The following HDHD2 variants were observed in gnomAD, a reference collection of about 807,000 sequenced individuals.
The protein encoded by HDHD2 is haloacid dehalogenase like hydrolase domain containing 2.
HDHD2 carries 26 observed loss-of-function variants against 24.8 expected under a neutral mutation model. That is an observed-to-expected ratio of 1.05 (90% confidence interval 0.77 to 1.45). HDHD2 has a LOEUF of 1.45. HDHD2 is among the 40% of genes most tolerant of loss of function. The pLI, the probability that HDHD2 is intolerant of heterozygous loss-of-function variation, is 0.00. For missense variants in HDHD2, 299 were observed against 313.4 expected (o/e 0.95, Z 0.35); for synonymous variants, 128 against 114.9 (o/e 1.11, Z -0.73).
intron 5 of HDHD2, among the ~76,000 whole-genome samples, chr18:47,113,971 G>T (rs1026129804): frequency 2.6e-5 from 4 of 152,184 alleles, no homozygotes; most frequent in African/African-American, 9.6e-5. Context: ...CACTTTCCTG[G>T]GTAACCAACA....
intron 4 of HDHD2, among the ~76,000 whole-genome samples, chr18:47,120,904 G>C (rs2063599706): frequency 6.6e-6 from 1 of 151,950 alleles, no homozygotes; most frequent in African/African-American, 2.4e-5. Flanking sequence ...TCTTAACATG[G>C]GCATGGTTTG....
At chr18:47,125,098 G>A (rs1209344253) in intron 4 of HDHD2, among the ~76,000 whole-genome samples, 2 of 152,062 alleles carry the variant, frequency 1.3e-5, no homozygotes, top group Non-Finnish European at 2.9e-5. Flanking sequence ...GGAGTTTGAG[G>A]CTACAGTGAG....
chr18:47,130,263 T>C lies in HDHD2; in HGVS notation c.376A>G (p.Ile126Val), dbSNP rs1198120452. 6.2e-7 allele frequency: 1 copy of C among 1,601,446 alleles called. No individual in the cohort carries two copies. The highest frequency in any genetic ancestry group is 2.2e-5 in the East Asian group (1 of 44,698). The change falls in exon 4 of 7, where the codon ATT becomes GTT. Residue 126 changes from isoleucine to valine, a missense_variant. Transcript: ENST00000300605. ...GLAPEHFHYQ[I>V]LNQAFRLLLD... ...GTTTACCGGAATGCTTGATTCAGAA[T>C]TTGATAATGAAAATGTTCTGGTGCC... is the stretch of plus-strand genomic sequence containing the variant.
chr18:47,144,384 T>A (rs1303129683), intron 1 of HDHD2, among the ~76,000 whole-genome samples: 1 of 152,144 alleles, frequency 6.6e-6, no homozygotes, highest in South Asian at 2.1e-4. Flanking sequence ...CTTGTCTCAG[T>A]TGACTACAAG....
intron 1 of HDHD2, among the ~76,000 whole-genome samples, chr18:47,147,372 G>A (rs72907257): frequency 0.026 from 3,999 of 152,248 alleles, 60 homozygotes; most frequent in Non-Finnish European, 0.041. Context: ...ATAAGCAAGA[G>A]CATCAACTAT....
intron 6 of HDHD2, chr18:47,110,570 A>G: frequency 1.0e-6 from 1 of 985,426 alleles, no homozygotes; most frequent in East Asian, 1.1e-4. Flanking sequence ...TGGCTCTGCA[A>G]GTGGGGTTTC....
chr18:47,144,203 CG>C (rs2063845751), intron 1 of HDHD2, among the ~76,000 whole-genome samples: 1 of 152,186 alleles, frequency 6.6e-6, no homozygotes. Context: ...TGGCTCCAAA[CG>C]TATCTGTCAC....
chr18:47,143,940 A>G (rs2063842960), intron 1 of HDHD2, among the ~76,000 whole-genome samples: 1 of 152,184 alleles, frequency 6.6e-6, no homozygotes, highest in Non-Finnish European at 1.5e-5. Flanking sequence ...ACATTTATTG[A>G]TGAATAAACT....
chr18:47,109,013 C>G (rs995197088), intron 6 of HDHD2: 7 of 515,884 alleles, frequency 1.4e-5, no homozygotes, highest in African/African-American at 3.9e-5. Context: ...TCACAATGGA[C>G]AGCCACAGGT....
chr18:47,146,412 G>A lies in HDHD2; in HGVS notation c.-11+3966C>T, dbSNP rs144936510. ...CAACAGCAATTCCCACATGCTGCTA[G>A]TGAAAGAATATACTTGTACAAGCAT... On this transcript the variant is annotated intron_variant, in intron 1 of 6. Coordinates refer to ENST00000300605, the MANE Select transcript of HDHD2 (RefSeq NM_032124.5). Among the ~76,000 whole-genome samples, 231 of 152,228 alleles carry A rather than the reference G, an allele frequency of 1.5e-3. 2 individuals carry two copies. The highest frequency in any genetic ancestry group is 5.4e-3 in the African/African-American group (223 of 41,538).
intron 2 of HDHD2, among the ~76,000 whole-genome samples, chr18:47,136,103 T>C (rs1335760416): frequency 6.6e-6 from 1 of 152,130 alleles, no homozygotes; most frequent in Non-Finnish European, 1.5e-5. Context: ...ACTTAGAAAA[T>C]GACATACATA....
intron 4 of HDHD2, among the ~76,000 whole-genome samples, chr18:47,124,359 T>C (rs2063636125): frequency 6.6e-6 from 1 of 152,140 alleles, no homozygotes; most frequent in Non-Finnish European, 1.5e-5. Context: ...AAATCAAAGA[T>C]AGGGATATCT....
At chr18:47,111,367 T>TAAAAAAAAAAAA (rs547835822) in intron 6 of HDHD2, 2 of 700,124 alleles carry the variant, frequency 2.9e-6, no homozygotes, top group South Asian at 6.6e-5. Context: ...TTACATGAGC[T>TAAAAAAAAAAAA]AAAAAAAAAA....
intron 2 of HDHD2, among the ~76,000 whole-genome samples, chr18:47,136,036 T>C (rs1220325288): frequency 6.6e-6 from 1 of 152,240 alleles, no homozygotes; most frequent in East Asian, 1.9e-4. Flanking sequence ...TTTTTTCCAA[T>C]GATATTTATT....
chr18:47,139,026 G>A (rs764701362), intron 1 of HDHD2, among the ~76,000 whole-genome samples: 4 of 152,184 alleles, frequency 2.6e-5, no homozygotes, highest in Non-Finnish European at 5.9e-5. Context: ...AGGCTGATAG[G>A]AGGGTGAACA....
chr18:47,115,271 C>G lies in HDHD2; in HGVS notation c.473G>C (p.Gly158Ala), dbSNP rs748797136. 6.2e-7 allele frequency: 1 copy of G among 1,614,008 alleles called. No homozygotes were observed. The highest frequency in any genetic ancestry group is 1.1e-5 in the South Asian group (1 of 91,070). The change falls in exon 5 of 7, where the codon GGG (glycine) becomes GCG (alanine). Residue 158 changes from glycine to alanine, a missense_variant. Gly to Ala is a moderately conservative substitution (Grantham distance 60, BLOSUM62 0). Transcript: ENST00000300605. ...YYKRKDGLALGPGPFVTALEY... is the reference protein window; with the variant it reads ...YYKRKDGLALAPGPFVTALEY... ...TAAAGCAGTCACAAATGGTCCAGGCCCCAGGGCTAAGCCATCTTTCCTCTT... is the reference window on the plus strand; with the variant it reads ...TAAAGCAGTCACAAATGGTCCAGGCGCCAGGGCTAAGCCATCTTTCCTCTT...
intron 2 of HDHD2, among the ~76,000 whole-genome samples, 157 bp from the exon 3 acceptor site, chr18:47,134,861 A>G (rs1172358222): frequency 2.6e-5 from 4 of 152,236 alleles, no homozygotes; most frequent in Non-Finnish European, 5.9e-5. Context: ...TACAGTTTAC[A>G]TAGCTACTTA....
At chr18:47,135,719 G>C (rs1459995267) in intron 2 of HDHD2, among the ~76,000 whole-genome samples, 1 of 152,052 alleles carries the variant, frequency 6.6e-6, no homozygotes, top group African/African-American at 2.4e-5. Flanking sequence ...GTGATTAGTT[G>C]ATTTTTTTTT....
At chr18:47,120,697 A>G (rs946784404) in intron 4 of HDHD2, among the ~76,000 whole-genome samples, 1 of 152,046 alleles carries the variant, frequency 6.6e-6, no homozygotes, top group Non-Finnish European at 1.5e-5. Flanking sequence ...TGCCTTACTC[A>G]TTTCTAGCTT....
Sources: allele counts gnomAD v4.1 joint callset (sites outside exome capture counted in the v4.1 genomes callset), GRCh38; gene constraint gnomAD v4.1.1; transcripts MANE v1.5; gene names NCBI Gene and HGNC (gene_info 2026-07-23, HGNC 2026-07-21).